The following NIPBL variants were observed in gnomAD, a reference collection of about 807,000 sequenced individuals.
The protein encoded by NIPBL is NIPBL cohesin loading factor, also known as nipped-B-like protein.
A neutral mutation model predicts 321.8 loss-of-function variants in NIPBL; 19 were observed. The observed-to-expected ratio is 0.06, with a 90% confidence interval of 0.04 to 0.09. The LOEUF (loss-of-function observed/expected upper bound fraction) is 0.09. NIPBL is among the 10% of genes least tolerant of loss of function. The pLI is 1.00. For synonymous variants in NIPBL, 1,106 were observed against 1,114.1 expected, an observed-to-expected ratio of 0.99 and a Z score of 0.14; for missense variants, 2,210 against 3,327.0, an observed-to-expected ratio of 0.66 and a Z score of 8.26.
At chr5:36,952,047 T>TGCGCGC (rs1306931484) in intron 1 of NIPBL, among the ~76,000 whole-genome samples, 4 of 115,986 alleles carry the variant, frequency 3.4e-5, no homozygotes, top group Admixed American at 1.0e-4. Flanking sequence ...TGTGTGTGTG[T>TGCGCGC]GTGTGTGCGC....
rs147522427 is a variant in NIPBL, at chr5:36,985,756, A to T, written c.2576A>T (p.Asp859Val). 1 of 1,613,802 alleles carries T rather than the reference A, an allele frequency of 6.2e-7. No individual in the cohort carries two copies. The highest frequency in any genetic ancestry group is 1.3e-5 in the African/African-American group (1 of 74,916). ...AGAAATGAACATGGCATTAAATCTG[A>T]TAGTTCAAAAACTGATAAACTAGAA... is the stretch of plus-strand genomic sequence containing the variant. ...SSRNEHGIKS[D>V]SSKTDKLERK... Residue 859 changes from aspartate to valine, a missense_variant, in exon 10 of 47, where the codon GAT becomes GTT. Around this residue, in one of 14 missense-constraint regions of NIPBL, gnomAD observed 588 missense variants for 564.1 expected, o/e 1.04. Transcript: ENST00000282516.
chr5:36,885,485 C>G, intron 1 of NIPBL: 2 of 497,560 alleles, frequency 4.0e-6, no homozygotes, highest in East Asian at 5.1e-5. Context: ...GGCCTCCTAC[C>G]TGGACAGAGT....
intron 1 of NIPBL, among the ~76,000 whole-genome samples, chr5:36,922,636 A>G (rs1170053206): frequency 6.6e-6 from 1 of 152,170 alleles, no homozygotes; most frequent in Non-Finnish European, 1.5e-5. Flanking sequence ...TGTTTTAGAA[A>G]GTCCTGGATT....
intron 1 of NIPBL, among the ~76,000 whole-genome samples, chr5:36,928,847 TTC>T (rs1386463745): frequency 2.6e-5 from 4 of 152,352 alleles, no homozygotes; most frequent in Non-Finnish European, 4.4e-5. Flanking sequence ...CAGTATTTTG[TTC>T]TTTTTTATTG....
intron 9 of NIPBL, among the ~76,000 whole-genome samples, chr5:36,979,395 G>C (rs1432690226): frequency 6.6e-6 from 1 of 151,806 alleles, no homozygotes; most frequent in Admixed American, 6.6e-5. Flanking sequence ...CAGCTCGAAC[G>C]TTATTGGTGT....
intron 34 of NIPBL, 150 bp from the exon 35 acceptor site, chr5:37,044,197 A>AG: frequency 1.5e-6 from 1 of 674,460 alleles, no homozygotes; most frequent in South Asian, 2.0e-5. Flanking sequence ...TTCTCCTTCC[A>AG]TACCTTGAAA....
chr5:36,995,278 C>G, intron 10 of NIPBL: 1 of 204,894 alleles, frequency 4.9e-6, no homozygotes, highest in East Asian at 1.4e-4. Flanking sequence ...GTACCTCTTA[C>G]CACAAATCCA....
rs550684004 is a variant in NIPBL at position 37,054,755 on chromosome 5, G to C, written c.7263+2189G>C. 6.6e-5 allele frequency among the ~76,000 whole-genome samples: 10 copies of C among 152,290 alleles called. 1 individual carries two copies. The highest frequency in any genetic ancestry group is 1.7e-4 in the African/African-American group (7 of 41,542). On this transcript the variant is annotated intron_variant, in intron 42 of 46. Transcript: ENST00000282516. ...CAGAGGGATAGAATGAGAGGGATCT[G>C]CTATATAAACCAGGGAAGGAAGATG...
At chr5:36,946,395 A>G (rs1263030713) in intron 1 of NIPBL, among the ~76,000 whole-genome samples, 1 of 151,954 alleles carries the variant, frequency 6.6e-6, no homozygotes, top group Admixed American at 6.6e-5. Flanking sequence ...TATTTTCCTC[A>G]GATATTTTCC....
At chr5:36,935,822 G>A (rs1157706522) in intron 1 of NIPBL, among the ~76,000 whole-genome samples, 3 of 152,020 alleles carry the variant, frequency 2.0e-5, no homozygotes, top group Non-Finnish European at 4.4e-5. Flanking sequence ...AGCTATGGTA[G>A]TGGCTCCAGG....
intron 31 of NIPBL, 145 bp downstream of exon 31, chr5:37,026,472 A>T: frequency 1.5e-6 from 1 of 680,582 alleles, no homozygotes; most frequent in South Asian, 1.6e-5. Context: ...ATTTCTGGAG[A>T]TGCTGAAGGG....
chr5:36,983,203 ATATAT>A (rs1744343452), intron 9 of NIPBL, among the ~76,000 whole-genome samples: 1 of 151,880 alleles, frequency 6.6e-6, no homozygotes, highest in Non-Finnish European at 1.5e-5. Context: ...TCTAATGATA[ATATAT>A]TATACTTTAG....
At chr5:37,023,207 G>A (rs1174228074) in intron 29 of NIPBL, among the ~76,000 whole-genome samples, 1 of 152,114 alleles carries the variant, frequency 6.6e-6, no homozygotes, top group Non-Finnish European at 1.5e-5. Context: ...TTAAAGAAAA[G>A]CTGGAAAAAT....
At position 37,060,861 on chromosome 5, in the gene NIPBL, C is replaced by G. The variant is rs768384647; in HGVS notation, c.7703C>G (p.Ser2568Cys). ...CAAAACAGTAAAATTCAGAAGTACT[C>G]TCCATCTGAATCTGCAAAAGTATAT... is the stretch of plus-strand genomic sequence containing the variant. ...GFSDSKIQKYSPSESAKVYDK... is the reference protein window; with the variant it reads ...GFSDSKIQKYCPSESAKVYDK... Residue 2568 changes from serine to cysteine, a missense_variant, in exon 45 of 47, where the codon TCT becomes TGT. Ser to Cys is a moderately radical substitution (Grantham distance 112). Transcript: ENST00000282516. 50 of 1,613,404 alleles carry G rather than the reference C, an allele frequency of 3.1e-5. No individual in the cohort carries two copies. The highest frequency in any genetic ancestry group is 4.1e-5 in the Non-Finnish European group (48 of 1,179,772).
intron 43 of NIPBL, among the ~76,000 whole-genome samples, chr5:37,058,194 A>G (rs970949382): frequency 2.0e-5 from 3 of 152,214 alleles, no homozygotes; most frequent in African/African-American, 7.2e-5. Context: ...TGCATCTTCA[A>G]CAAAATCCAC....
intron 6 of NIPBL, 74 bp downstream of exon 6, chr5:36,962,348 A>T: frequency 1.3e-6 from 2 of 1,497,382 alleles, no homozygotes; most frequent in Non-Finnish European, 9.3e-7. Context: ...TTTTTAAAAT[A>T]TAATTATTAA....
intron 1 of NIPBL, among the ~76,000 whole-genome samples, chr5:36,899,383 T>C (rs908785808): frequency 1.3e-5 from 2 of 152,226 alleles, no homozygotes; most frequent in Non-Finnish European, 2.9e-5. Context: ...CAAATTAATA[T>C]GTATTGTATC....
At chr5:37,013,255 C>T (rs1172979257) in intron 21 of NIPBL, among the ~76,000 whole-genome samples, 4 of 148,912 alleles carry the variant, frequency 2.7e-5, no homozygotes, top group Admixed American at 1.3e-4. Context: ...CGGGCAGAGG[C>T]GCCCCTCACC....
At chr5:36,928,647 A>T (rs551026591) in intron 1 of NIPBL, among the ~76,000 whole-genome samples, 1 of 152,078 alleles carries the variant, frequency 6.6e-6, no homozygotes, top group Non-Finnish European at 1.5e-5. Flanking sequence ...TCAGTCCCCA[A>T]ATTTTCCTCA....
Sources: gnomAD v4.1 joint callset for allele counts (sites outside exome capture counted in the v4.1 genomes callset) on GRCh38, gnomAD v4.1.1 for gene constraint, gnomAD v4.1.1 regional missense constraint, MANE v1.5 for transcripts, NCBI Gene and HGNC (gene_info 2026-07-23, HGNC 2026-07-21) for gene names.